The following CRISPLD2 variants were observed in gnomAD, a reference collection of about 807,000 sequenced individuals.
The protein encoded by CRISPLD2 is cysteine-rich secretory protein LCCL domain-containing 2.
Under a neutral mutation model 71.1 loss-of-function variants are expected in CRISPLD2, and 47 were observed. The ratio of observed to expected loss-of-function variants is 0.66; its 90% CI spans 0.52 to 0.84. The LOEUF (loss-of-function observed/expected upper bound fraction) is 0.84. Among genes scored for constraint, CRISPLD2 ranks in the 40% least tolerant of loss-of-function variants. The pLI is 0.00. For missense variants in CRISPLD2, 830 were observed against 651.1 expected, an observed-to-expected ratio of 1.27 and a Z score of -2.99; for synonymous variants, 317 against 250.1, an observed-to-expected ratio of 1.27 and a Z score of -2.52.
intron 6 of CRISPLD2, among the ~76,000 whole-genome samples, chr16:84,856,102 C>G (rs1427432469): frequency 1.3e-5 from 2 of 152,228 alleles, no homozygotes; most frequent in African/African-American, 4.8e-5. Flanking sequence ...TTGCCTTCAG[C>G]AAGCACCTCA....
chr16:84,876,838 T>C (rs142424245), intron 11 of CRISPLD2, among the ~76,000 whole-genome samples: 19 of 152,252 alleles, frequency 1.2e-4, no homozygotes, highest in Admixed American at 2.6e-4. Context: ...CTGAACTAAA[T>C]AAAGACATGC....
intron 14 of CRISPLD2, among the ~76,000 whole-genome samples, chr16:84,900,151 C>T (rs1002714836): frequency 6.6e-6 from 1 of 152,110 alleles, no homozygotes; most frequent in Non-Finnish European, 1.5e-5. Context: ...TGGCTCTTGG[C>T]GTTTCTTTGC....
At chr16:84,851,217 C>G (rs980770604) in intron 5 of CRISPLD2, among the ~76,000 whole-genome samples, 3 of 152,242 alleles carry the variant, frequency 2.0e-5, no homozygotes, top group African/African-American at 4.8e-5. Context: ...CATGTTCACA[C>G]AAAGCCTAGC....
chr16:84,879,937 A>G (rs977109310), intron 12 of CRISPLD2, among the ~76,000 whole-genome samples: 1 of 152,144 alleles, frequency 6.6e-6, no homozygotes, highest in Admixed American at 6.5e-5. Context: ...TTGTCAAACC[A>G]CCCAGGGGTC....
At chr16:84,859,944 C>T (rs1343113891) in intron 6 of CRISPLD2, among the ~76,000 whole-genome samples, 1 of 152,210 alleles carries the variant, frequency 6.6e-6, no homozygotes, top group Non-Finnish European at 1.5e-5. Flanking sequence ...CAGAAAAAAG[C>T]AATTACAAAG....
chr16:84,842,152 G>C (rs1234536624), intron 2 of CRISPLD2: 1 of 152,662 alleles, frequency 6.6e-6, no homozygotes, highest in Non-Finnish European at 1.5e-5. Flanking sequence ...CCTGGAAGCA[G>C]AGCAACCCTG....
intron 6 of CRISPLD2, among the ~76,000 whole-genome samples, chr16:84,859,461 G>A (rs923166047): frequency 7.2e-5 from 11 of 152,144 alleles, no homozygotes; most frequent in Admixed American, 2.6e-4. Context: ...AGGTCTCCCC[G>A]GGGAAGTATG....
At position 84,889,327 on chromosome 16, in the gene CRISPLD2, A is replaced by G. The variant is rs201807614; in HGVS notation, c.1403A>G (p.Tyr468Cys). The part of the protein sequence containing the change: ...DVMPVDKKKT[Y>C]VGSLRNGVQS... ...ATGCCCGTGGATAAAAAGAAGACCT[A>G]CGTGGGCTCGCTCAGGAATGGAGTT... is the stretch of plus-strand genomic sequence containing the variant. The change falls in exon 14 of 15, where the codon TAC (tyrosine) becomes TGC (cysteine). Residue 468 changes from tyrosine to cysteine, a missense_variant. Physicochemically the swap from Tyr to Cys is radical, Grantham distance 194. Coordinates refer to ENST00000262424, the MANE Select transcript of CRISPLD2 (RefSeq NM_031476.4). The G allele has an allele frequency of 2.9e-5, 47 of 1,613,870 alleles. No homozygotes were observed. Among genetic ancestry groups the G allele is most frequent in the Non-Finnish European group, 3.8e-5 (45 of 1,179,918 alleles).
intron 14 of CRISPLD2, among the ~76,000 whole-genome samples, chr16:84,905,049 G>A (rs1003790661): frequency 1.3e-5 from 2 of 152,150 alleles, no homozygotes; most frequent in African/African-American, 4.8e-5. Flanking sequence ...GGGAGGCTGA[G>A]GCAGGAGGAT....
Position 84,908,860 on chromosome 16 carries a change from T to G in CRISPLD2, c.*2218T>G, listed in dbSNP as rs561261536. The G allele has an allele frequency of 6.6e-6, 1 of 152,158 alleles. No homozygotes were observed. Among genetic ancestry groups the G allele is most frequent in the South Asian group, 2.1e-4 (1 of 4,812 alleles). The allele number at this position is 152,158 out of a possible 1,614,324, so 9.4% of individuals were successfully genotyped here. On this transcript the variant is annotated 3_prime_UTR_variant, in exon 15 of 15. Transcript: ENST00000262424. ...TGAGCTACCATGCCCGGCTAATTTT[T>G]GTATTTTTAGTAGAGATGGGGTTTC...
chr16:84,859,262 G>A (rs553281133), intron 6 of CRISPLD2, among the ~76,000 whole-genome samples: 2 of 152,246 alleles, frequency 1.3e-5, no homozygotes, highest in Admixed American at 1.3e-4. Flanking sequence ...GGGACCCACT[G>A]TAAGCCAGAC....
Position 84,906,760 on chromosome 16 carries a change from C to A in CRISPLD2, c.*118C>A. 8.8e-7 allele frequency: 1 copy of A among 1,136,112 alleles called. No individual in the cohort carries two copies. Among genetic ancestry groups the A allele is most frequent in the Admixed American group, 1.8e-5 (1 of 56,078 alleles). 70.4% of individuals were successfully genotyped at this position (1,136,112 alleles called of 1,614,324 possible). On this transcript the variant is annotated 3_prime_UTR_variant, in exon 15 of 15. Coordinates refer to ENST00000262424, the MANE Select transcript of CRISPLD2 (RefSeq NM_031476.4). ...CAGGAAACTTCCTTTGACTGATGTTCAGTGTCCATCACTTTGTGGCCTGTG... is the reference window on the plus strand; with the variant it reads ...CAGGAAACTTCCTTTGACTGATGTTAAGTGTCCATCACTTTGTGGCCTGTG...
Position 84,868,860 on chromosome 16 carries a change from T to C in CRISPLD2, c.863T>C (p.Val288Ala), listed in dbSNP as rs1235337365. 1.2e-6 allele frequency: 2 copies of C among 1,612,232 alleles called. No individual in the cohort carries two copies. Among genetic ancestry groups the C allele is most frequent in the East Asian group, 4.5e-5 (2 of 44,772 alleles). The change falls in exon 8 of 15, where the codon GTC becomes GCC. Residue 288 changes from valine to alanine, a missense_variant. By Grantham distance (64) the Val-to-Ala change is moderately conservative. Coordinates refer to ENST00000262424, the MANE Select transcript of CRISPLD2 (RefSeq NM_031476.4). ...TSAVNYMTQV[V>A]RCDTKMKDRC... ...CGCATTTCTCTCCTAGCCCAAGTCG[T>C]CAGATGTGACACCAAGATGAAGGAC...
At chr16:84,848,802 C>T (rs1473291862) in intron 3 of CRISPLD2, among the ~76,000 whole-genome samples, 1 of 152,050 alleles carries the variant, frequency 6.6e-6, no homozygotes, top group Non-Finnish European at 1.5e-5. Flanking sequence ...GAAATACGGG[C>T]TTCATGGGCT....
chr16:84,831,666 A>G lies in CRISPLD2; in HGVS notation c.-74-6756A>G, dbSNP rs561081250. 7.2e-5 allele frequency among the ~76,000 whole-genome samples: 11 copies of G among 152,270 alleles called. No individual in the cohort carries two copies. The East Asian group carries it at 2.1e-3, about 29-fold the overall frequency. ...AGCGATCCTCCCAGCTCAACATCCC[A>G]AAGTGCTGGGATTATAGATGTGAGT... On this transcript the variant is annotated intron_variant, in intron 1 of 14. Coordinates refer to ENST00000262424, the MANE Select transcript of CRISPLD2 (RefSeq NM_031476.4).
Position 84,884,841 on chromosome 16 carries a change from C to T in CRISPLD2, c.1305+4257C>T, listed in dbSNP as rs147660254. ...CTGAGTCAAAGCACCGCCTCTGGGG[C>T]TGCCAACCAGAACCTCTTGGCAGCT... On this transcript the variant is annotated intron_variant, in intron 13 of 14. Coordinates refer to ENST00000262424, the MANE Select transcript of CRISPLD2 (RefSeq NM_031476.4). Among the ~76,000 whole-genome samples the T allele has an allele frequency of 8.0e-3, 1,226 of 152,320 alleles. 8 individuals are homozygous for T. The highest frequency in any genetic ancestry group is 0.013 in the Non-Finnish European group (878 of 68,026).
chr16:84,824,003 C>T lies in CRISPLD2; in HGVS notation c.-75+3870C>T, dbSNP rs551316306. 3.3e-5 allele frequency among the ~76,000 whole-genome samples: 5 copies of T among 152,294 alleles called. No individual in the cohort carries two copies. In the East Asian group the frequency reaches 7.7e-4, roughly 23 times the overall value. ...TGAATAGGGAAAAGACTCAACTGGA[C>T]CCCTCTAAGGACTGGGAGCTGGCAT... On this transcript the variant is annotated intron_variant, in intron 1 of 14. Transcript: ENST00000262424.
chr16:84,892,731 T>C (rs1225941550), intron 14 of CRISPLD2, among the ~76,000 whole-genome samples: 1 of 152,004 alleles, frequency 6.6e-6, no homozygotes, highest in East Asian at 1.9e-4. Context: ...ATCCCAGCAC[T>C]TTGGGAGGTC....
intron 14 of CRISPLD2, among the ~76,000 whole-genome samples, chr16:84,896,455 A>C (rs1374778366): frequency 2.0e-5 from 3 of 152,198 alleles, no homozygotes. Context: ...CGTTCAACTT[A>C]TGACTTTTCA....
Sources: allele counts gnomAD v4.1 joint callset (sites outside exome capture counted in the v4.1 genomes callset), GRCh38; gene constraint gnomAD v4.1.1; transcripts MANE v1.5; gene names NCBI Gene and HGNC (gene_info 2026-07-23, HGNC 2026-07-21).